The following LRIF1 variants were observed in gnomAD, a reference collection of about 807,000 sequenced individuals.
LRIF1 encodes the protein ligand-dependent nuclear receptor-interacting factor 1.
Under a neutral mutation model 52.7 loss-of-function variants are expected in LRIF1, and 32 were observed. That is an observed-to-expected ratio of 0.61 (90% confidence interval 0.46 to 0.82). LRIF1 has a LOEUF of 0.82. Ranked by LOEUF, LRIF1 falls within the 40% of genes least tolerant of loss-of-function variation. The pLI is 0.00. For synonymous variants in LRIF1, 323 were observed against 317.4 expected (o/e 1.02, Z -0.19); for missense variants, 887 against 892.0 (o/e 0.99, Z 0.07).
chr1:110,897,650 A>T, the LRIF1 span: 1 of 487,296 alleles, frequency 2.1e-6, no homozygotes, highest in Non-Finnish European at 3.7e-6. Context: ...TTCCCACCTT[A>T]TGCCTGTTTC....
chr1:110,942,239 TC>T (rs1415770048), downstream of LRIF1: 1 of 152,144 alleles, frequency 6.6e-6, no homozygotes, highest in Non-Finnish European at 1.5e-5. Context: ...CCCACAGCCT[TC>T]CCAACAGAAT....
At chr1:110,879,756 C>T in the LRIF1 span, among the ~76,000 whole-genome samples, 1 of 151,668 alleles carries the variant, frequency 6.6e-6, no homozygotes, top group Non-Finnish European at 1.5e-5. Context: ...AAAATAGAGA[C>T]AGGGTCTCTC....
chr1:110,918,949 C>T, the LRIF1 span, among the ~76,000 whole-genome samples: 3 of 152,160 alleles, frequency 2.0e-5, no homozygotes, highest in Non-Finnish European at 2.9e-5. Flanking sequence ...TAAAACTGGA[C>T]ATAAGAAGTG....
the LRIF1 span, chr1:110,937,844 A>T: frequency 6.6e-6 from 1 of 152,090 alleles, no homozygotes; most frequent in Non-Finnish European, 1.5e-5. Flanking sequence ...AAAAAAGGAG[A>T]CACAAATTAA....
the LRIF1 span, among the ~76,000 whole-genome samples, chr1:110,936,058 T>C: frequency 6.6e-6 from 1 of 152,112 alleles, no homozygotes; most frequent in African/African-American, 2.4e-5. Flanking sequence ...TTTAACATGA[T>C]GAAGGAAAAA....
the LRIF1 span, chr1:110,899,875 G>A: frequency 1.3e-5 from 2 of 151,160 alleles, no homozygotes; most frequent in Admixed American, 6.7e-5. Flanking sequence ...ATAAGATTTT[G>A]TTAATGTACT....
chr1:110,956,853 T>C (rs939446551), intron 1 of LRIF1, among the ~76,000 whole-genome samples: 3 of 152,214 alleles, frequency 2.0e-5, no homozygotes, highest in Non-Finnish European at 4.4e-5. Context: ...AAAGTTATCT[T>C]GAAGCCTACT....
chr1:110,875,326 G>A, the LRIF1 span, among the ~76,000 whole-genome samples: 1 of 152,174 alleles, frequency 6.6e-6, no homozygotes, highest in Non-Finnish European at 1.5e-5. Context: ...TCACCAGGCA[G>A]GTCCTAGGTC....
At chr1:110,878,341 C>A in the LRIF1 span, among the ~76,000 whole-genome samples, 1 of 152,148 alleles carries the variant, frequency 6.6e-6, no homozygotes, top group Non-Finnish European at 1.5e-5. Flanking sequence ...TGCTAAGGAA[C>A]AAAGACTGCC....
intron 1 of LRIF1, among the ~76,000 whole-genome samples, chr1:110,960,544 T>C (rs1416376964): frequency 1.3e-5 from 2 of 152,206 alleles, no homozygotes; most frequent in Non-Finnish European, 1.5e-5. Flanking sequence ...TTGTAGGATA[T>C]ATAATCACAG....
At chr1:110,927,805 T>G in the LRIF1 span, among the ~76,000 whole-genome samples, 1 of 152,152 alleles carries the variant, frequency 6.6e-6, no homozygotes, top group Non-Finnish European at 1.5e-5. Flanking sequence ...GGCTGACATA[T>G]TACAAAACCA....
the LRIF1 span, among the ~76,000 whole-genome samples, chr1:110,875,848 G>A: frequency 2.6e-5 from 4 of 152,216 alleles, no homozygotes; most frequent in African/African-American, 9.6e-5. Flanking sequence ...AGAAAGACAT[G>A]CATTTGCAAA....
In LRIF1 at chr1:110,950,013, T is replaced by C. The variant is rs200315627; in HGVS notation, c.1707A>G (p.Glu569=). The change falls in exon 3 of 4, where the codon GAA becomes GAG. Residue 569 remains glutamate (E), a synonymous_variant. Transcript: ENST00000369763. ...TAGTAAGGCCAAATATCTTTTTAAA[T>C]TCAGCATCACTCTTCAGATGTAATG... ...NKALHLKSDA[E]FKKIFGLTKD... 1 of 1,614,164 alleles carries C rather than the reference T, an allele frequency of 6.2e-7. No individual in the cohort carries two copies. The highest frequency in any genetic ancestry group is 8.5e-7 in the Non-Finnish European group (1 of 1,180,020).
At chr1:110,924,973 A>G in the LRIF1 span, among the ~76,000 whole-genome samples, 1 of 152,242 alleles carries the variant, frequency 6.6e-6, no homozygotes, top group Non-Finnish European at 1.5e-5. Context: ...AGTATTTCAC[A>G]TAATTTTAAC....
At chr1:110,902,495 TAAAAAAAAAAA>T in the LRIF1 span, among the ~76,000 whole-genome samples, 5 of 72,664 alleles carry the variant, frequency 6.9e-5, no homozygotes, top group South Asian at 1.6e-3. Flanking sequence ...AATCAATCAC[TAAAAAAAAAAA>T]AAAAAAAAAA....
At chr1:110,944,746 T>C (rs1251821057), downstream of LRIF1, 2 of 152,198 alleles carry the variant, frequency 1.3e-5, no homozygotes, top group African/African-American at 4.8e-5. Flanking sequence ...TTAAAAGCTC[T>C]ACAGGGTATA....
At chr1:110,893,548 C>T in the LRIF1 span, among the ~76,000 whole-genome samples, 6 of 152,206 alleles carry the variant, frequency 3.9e-5, no homozygotes, top group African/African-American at 1.4e-4. Context: ...TCTCTAACTC[C>T]CGACTTTAGG....
the LRIF1 span, among the ~76,000 whole-genome samples, chr1:110,917,939 A>G: frequency 9.1e-6 from 1 of 109,810 alleles, no homozygotes; most frequent in East Asian, 4.0e-4. Context: ...TTTGTCTCAG[A>G]AATTAAAAAC....
At chr1:110,891,465 C>G in the LRIF1 span, 1 of 1,612,946 alleles carries the variant, frequency 6.2e-7, no homozygotes, top group South Asian at 1.1e-5. Flanking sequence ...TCAACTTGCT[C>G]TTTTGGGTAA....
Sources: allele counts gnomAD v4.1 joint callset (sites outside exome capture counted in the v4.1 genomes callset), GRCh38; gene constraint gnomAD v4.1.1; transcripts MANE v1.5; gene names NCBI Gene and HGNC (gene_info 2026-07-23, HGNC 2026-07-21).